The following KDM4C variants were observed in gnomAD, a reference collection of about 807,000 sequenced individuals.
The protein encoded by KDM4C is lysine demethylase 4C.
In KDM4C, 81 loss-of-function variants were observed where a neutral mutation model predicts 129.3. That is an observed-to-expected ratio of 0.63 (90% CI 0.52 to 0.75). The LOEUF (loss-of-function observed/expected upper bound fraction) is 0.75. KDM4C is among the 30% of genes least tolerant of loss of function. The pLI is 0.00. For synonymous variants in KDM4C, 573 were observed against 456.1 expected, an observed-to-expected ratio of 1.26 and a Z score of -3.26; for missense variants, 1,457 against 1,304.0, an observed-to-expected ratio of 1.12 and a Z score of -1.81.
intron 17 of KDM4C, among the ~76,000 whole-genome samples, chr9:7,055,291 C>G (rs1191451163): frequency 6.6e-6 from 1 of 152,174 alleles, no homozygotes; most frequent in Non-Finnish European, 1.5e-5. Flanking sequence ...CTTTCTAGGA[C>G]TTTTACATTT....
intron 8 of KDM4C, among the ~76,000 whole-genome samples, chr9:6,918,398 T>C (rs1242476700): frequency 3.9e-5 from 6 of 152,232 alleles, no homozygotes; most frequent in Non-Finnish European, 8.8e-5. Flanking sequence ...GTATGTACCA[T>C]ATTTTCTTCA....
chr9:7,102,174 G>T (rs1185299920), intron 17 of KDM4C, among the ~76,000 whole-genome samples: 1 of 152,008 alleles, frequency 6.6e-6, no homozygotes, highest in Non-Finnish European at 1.5e-5. Flanking sequence ...ATGCTTAATT[G>T]TACATTGAAT....
intron 8 of KDM4C, among the ~76,000 whole-genome samples, chr9:6,949,118 C>T (rs549966613): frequency 4.0e-5 from 6 of 151,068 alleles, no homozygotes; most frequent in African/African-American, 1.5e-4. Flanking sequence ...AGACGCTCCT[C>T]ACTTCCCAGA....
intron 17 of KDM4C, among the ~76,000 whole-genome samples, chr9:7,098,020 T>C (rs2133101482): frequency 6.6e-6 from 1 of 152,390 alleles, no homozygotes; most frequent in East Asian, 1.9e-4. Context: ...TTCCTTGTAA[T>C]GTATCTGTTG....
chr9:6,936,488 T>C (rs1168371556), intron 8 of KDM4C, among the ~76,000 whole-genome samples: 1 of 152,222 alleles, frequency 6.6e-6, no homozygotes, highest in Non-Finnish European at 1.5e-5. Flanking sequence ...TATAGTGAAG[T>C]CTTAGTCACT....
At chr9:6,989,724 G>C (rs1293765451) in intron 11 of KDM4C, among the ~76,000 whole-genome samples, 5 of 152,072 alleles carry the variant, frequency 3.3e-5, no homozygotes, top group Non-Finnish European at 7.4e-5. Context: ...GAACATCTTA[G>C]AGGTGACCAA....
chr9:7,150,958 G>A (rs1205680111), intron 19 of KDM4C, among the ~76,000 whole-genome samples: 2 of 152,144 alleles, frequency 1.3e-5, no homozygotes, highest in African/African-American at 2.4e-5. Flanking sequence ...TGGGACCTCA[G>A]TACCTTAACC....
At chr9:6,776,255 C>T (rs537624449) in intron 1 of KDM4C, among the ~76,000 whole-genome samples, 8 of 152,020 alleles carry the variant, frequency 5.3e-5, no homozygotes, top group East Asian at 3.9e-4. Context: ...CACCATGCCC[C>T]GCTCAACACA....
intron 1 of KDM4C, among the ~76,000 whole-genome samples, chr9:6,790,541 C>T (rs1047096200): frequency 7.0e-4 from 105 of 150,772 alleles, no homozygotes; most frequent in African/African-American, 2.5e-3. Flanking sequence ...GGCATGAGCC[C>T]TAGCCCTGGC....
chr9:6,962,433 G>C (rs1462488956), intron 8 of KDM4C, among the ~76,000 whole-genome samples: 1 of 152,142 alleles, frequency 6.6e-6, no homozygotes, highest in Non-Finnish European at 1.5e-5. Context: ...GCAATTTTCA[G>C]CTTCTGAGAT....
chr9:6,936,983 C>A (rs1363994024), intron 8 of KDM4C, among the ~76,000 whole-genome samples: 1 of 152,168 alleles, frequency 6.6e-6, no homozygotes. Flanking sequence ...ATTCTAGACC[C>A]ATATCCCTGT....
intron 15 of KDM4C, among the ~76,000 whole-genome samples, chr9:7,023,043 G>A (rs181191754): frequency 1.9e-4 from 29 of 152,246 alleles, no homozygotes; most frequent in African/African-American, 5.5e-4. Context: ...GTTGAATTTG[G>A]TTTGCTAGTA....
At chr9:6,827,407 A>G (rs1247772968) in intron 4 of KDM4C, among the ~76,000 whole-genome samples, 2 of 152,236 alleles carry the variant, frequency 1.3e-5, no homozygotes, top group Non-Finnish European at 2.9e-5. Context: ...TGTCAAATCA[A>G]GAGCTCCTTT....
chr9:6,908,316 T>C (rs909998084), intron 8 of KDM4C, among the ~76,000 whole-genome samples: 22 of 152,218 alleles, frequency 1.4e-4, no homozygotes, highest in African/African-American at 4.8e-4. Flanking sequence ...AAACTGTTAA[T>C]GTGTTTAATC....
At chr9:7,028,214 A>G (rs1319222413) in intron 15 of KDM4C, among the ~76,000 whole-genome samples, 1 of 152,030 alleles carries the variant, frequency 6.6e-6, no homozygotes, top group African/African-American at 2.4e-5. Context: ...TAAAGTTAGC[A>G]AGTCTCGGAG....
chr9:6,805,645 T>C lies in KDM4C; in HGVS notation c.191T>C (p.Ile64Thr), dbSNP rs776081138. 19 of 1,613,916 alleles carry C rather than the reference T, an allele frequency of 1.2e-5. No individual in the cohort carries two copies. Among genetic ancestry groups the C allele is most frequent in the South Asian group, 6.6e-5 (6 of 91,074 alleles). The change falls in exon 3 of 22, where the codon ATT becomes ACT. Residue 64 changes from isoleucine (I) to threonine (T), a missense_variant. Coordinates refer to ENST00000381309, the MANE Select transcript of KDM4C (RefSeq NM_015061.6). ...AAGCCAAGACAGTGCTATGATGACA[T>C]TGATAATTTGCTCATTCCAGCACCA... ...EWKPRQCYDD[I>T]DNLLIPAPIQ...
intron 4 of KDM4C, among the ~76,000 whole-genome samples, chr9:6,833,896 G>A (rs953561557): frequency 6.6e-6 from 1 of 152,170 alleles, no homozygotes; most frequent in Non-Finnish European, 1.5e-5. Flanking sequence ...TGTCAGAGCC[G>A]TGAAGAATGT....
chr9:6,787,439 G>A (rs1032437471), intron 1 of KDM4C, among the ~76,000 whole-genome samples: 1 of 152,224 alleles, frequency 6.6e-6, no homozygotes, highest in Non-Finnish European at 1.5e-5. Context: ...TGCCATGTTG[G>A]CCAGGCTGGT....
intron 12 of KDM4C, among the ~76,000 whole-genome samples, chr9:7,010,457 A>G (rs1021390943): frequency 2.0e-5 from 3 of 152,210 alleles, no homozygotes; most frequent in African/African-American, 2.4e-5. Flanking sequence ...GACTTTTTCT[A>G]AAACAGGTAA....
Sources: gnomAD v4.1 joint callset for allele counts (sites outside exome capture counted in the v4.1 genomes callset) on GRCh38, gnomAD v4.1.1 for gene constraint, MANE v1.5 for transcripts, NCBI Gene and HGNC (gene_info 2026-07-23, HGNC 2026-07-21) for gene names.